Variants in IL1RAPL2 observed in about 807,000 individuals in gnomAD.
The protein encoded by IL1RAPL2 is interleukin 1 receptor accessory protein like 2, also known as X-linked interleukin-1 receptor accessory protein-like 2.
IL1RAPL2 carries 3 observed loss-of-function variants against 44.1 expected under a neutral mutation model. That is an observed-to-expected ratio of 0.07 (90% confidence interval 0.03 to 0.18). The LOEUF is 0.18. Among genes scored for constraint, IL1RAPL2 ranks in the 10% least tolerant of loss-of-function variants. The pLI, the probability that IL1RAPL2 is intolerant of heterozygous loss-of-function variation, is 1.00. For synonymous variants in IL1RAPL2, 181 were observed against 178.8 expected (o/e 1.01, Z -0.10); for missense variants, 391 against 496.4 (o/e 0.79, Z 2.02).
At chrX:104,580,922 TGTGCCTTTAG>T (rs982790504) in intron 1 of IL1RAPL2, among the ~76,000 whole-genome samples, 2 of 112,406 alleles carry the variant, frequency 1.8e-5, no homozygotes, top group Non-Finnish European at 3.8e-5. Flanking sequence ...AGTTGAACTA[TGTGCCTTTAG>T]GTGCCTTTGA....
intron 2 of IL1RAPL2, among the ~76,000 whole-genome samples, chrX:105,020,672 T>C (rs943770225): frequency 4.5e-5 from 5 of 111,840 alleles, no homozygotes; most frequent in African/African-American, 1.6e-4. Context: ...GCACAGTGTC[T>C]GGCACCTAGG....
intron 2 of IL1RAPL2, among the ~76,000 whole-genome samples, chrX:105,031,913 TG>T (rs1347375825): frequency 8.9e-6 from 1 of 111,884 alleles, no homozygotes; most frequent in Admixed American, 9.5e-5. Flanking sequence ...AGCCTGTTAT[TG>T]GTCTCTTCAG....
intron 2 of IL1RAPL2, among the ~76,000 whole-genome samples, chrX:105,009,370 C>G (rs1288233572): frequency 9.1e-6 from 1 of 109,748 alleles, no homozygotes; most frequent in Non-Finnish European, 1.9e-5. Context: ...CAATGATAGA[C>G]TGGATTAAGA....
At chrX:105,664,529 C>T (rs920641457) in intron 6 of IL1RAPL2, among the ~76,000 whole-genome samples, 7 of 111,739 alleles carry the variant, frequency 6.3e-5, no homozygotes, top group East Asian at 5.7e-4. Context: ...TTGCTTCCAT[C>T]GATGCTGAAG....
rs192149884 is a variant in IL1RAPL2 at position 104,916,983 on chromosome X, G to A, written c.82+257988G>A. ...GGATTCGGTTTGCCAGTATTTTATT[G>A]AGGATTTTTGCATTGATGTTCATCA... is the stretch of plus-strand genomic sequence containing the variant. On this transcript the variant is annotated intron_variant, in intron 2 of 10. Coordinates refer to ENST00000372582, the MANE Select transcript of IL1RAPL2 (RefSeq NM_017416.2). Among the ~76,000 whole-genome samples the A allele has an allele frequency of 2.7e-5, 3 of 111,752 alleles. No homozygotes were observed. The East Asian group carries it at 8.4e-4, about 31-fold the overall frequency.
chrX:105,036,786 C>A (rs937358088), intron 2 of IL1RAPL2, among the ~76,000 whole-genome samples: 23 of 111,433 alleles, frequency 2.1e-4, no homozygotes, highest in African/African-American at 6.8e-4. Context: ...CAGTGATGCA[C>A]AAAAATTAGC....
rs773629644 is a variant in IL1RAPL2 at position 105,093,907 on chromosome X, A to C, written c.83-101568A>C. Among the ~76,000 whole-genome samples, 11 of 111,337 alleles carry C rather than the reference A, an allele frequency of 9.9e-5. No individual in the cohort carries two copies. The South Asian group carries it at 4.2e-3, about 42-fold the overall frequency. ...CTAATACTAAAACACATCTCCTAGG[A>C]CCCTTAAAAGAGATTAAATAAGGTA... On this transcript the variant is annotated intron_variant, in intron 2 of 10. Transcript: ENST00000372582.
intron 1 of IL1RAPL2, among the ~76,000 whole-genome samples, chrX:104,585,265 A>AT (rs1491551706): frequency 8.6e-4 from 21 of 24,493 alleles, no homozygotes; most frequent in Middle Eastern, 0.022. Flanking sequence ...ATATATATAT[A>AT]ATATATTATA....
intron 3 of IL1RAPL2, among the ~76,000 whole-genome samples, chrX:105,232,970 G>A (rs1183834416): frequency 8.9e-6 from 1 of 111,870 alleles, no homozygotes; most frequent in Non-Finnish European, 1.9e-5. Flanking sequence ...TCAACACCTG[G>A]CACATCTTAG....
chrX:105,007,535 A>C (rs1174340670), intron 2 of IL1RAPL2, among the ~76,000 whole-genome samples: 2 of 111,565 alleles, frequency 1.8e-5, no homozygotes, highest in Admixed American at 1.9e-4. Flanking sequence ...AGTGATATAA[A>C]TAGGATTTAG....
intron 2 of IL1RAPL2, among the ~76,000 whole-genome samples, chrX:104,878,689 T>C (rs1335515176): frequency 8.9e-6 from 1 of 112,069 alleles, no homozygotes; most frequent in African/African-American, 3.2e-5. Flanking sequence ...TCTTTCCTAC[T>C]GAATTGCTGA....
At chrX:105,341,335 TTTC>T (rs1313720685) in intron 5 of IL1RAPL2, among the ~76,000 whole-genome samples, 2 of 101,901 alleles carry the variant, frequency 2.0e-5, no homozygotes, top group African/African-American at 4.6e-5. Context: ...TGTATTTTCT[TTTC>T]TTTTCTTTTT....
At chrX:105,731,708 G>T (rs1019107743) in intron 7 of IL1RAPL2, among the ~76,000 whole-genome samples, 1 of 111,073 alleles carries the variant, frequency 9.0e-6, no homozygotes, top group East Asian at 2.9e-4. Context: ...AATAAGCCCT[G>T]TACTCACTTA....
chrX:105,677,057 TTTTG>T (rs1195702362), intron 6 of IL1RAPL2, among the ~76,000 whole-genome samples: 5 of 112,175 alleles, frequency 4.5e-5, no homozygotes, highest in Admixed American at 2.8e-4. Context: ...TTATTCTTGT[TTTTG>T]TTTATTAAAA....
intron 1 of IL1RAPL2, among the ~76,000 whole-genome samples, chrX:104,637,466 T>A (rs764042672): frequency 1.8e-5 from 2 of 111,234 alleles, no homozygotes; most frequent in Non-Finnish European, 3.8e-5. Flanking sequence ...ATATATAGCC[T>A]TTATTATGTT....
intron 6 of IL1RAPL2, among the ~76,000 whole-genome samples, chrX:105,536,330 G>C (rs1261455334): frequency 9.3e-6 from 1 of 107,570 alleles, no homozygotes; most frequent in Non-Finnish European, 1.9e-5. Flanking sequence ...CAAAATTAAG[G>C]TAAGAAATAA....
At chrX:105,735,227 G>T (rs1269732049) in intron 7 of IL1RAPL2, among the ~76,000 whole-genome samples, 1 of 111,062 alleles carries the variant, frequency 9.0e-6, no homozygotes, top group Non-Finnish European at 1.9e-5. Context: ...ACTTTCTATT[G>T]TATCAGTGTT....
chrX:105,100,120 ATTG>A (rs2032653631), intron 2 of IL1RAPL2, among the ~76,000 whole-genome samples: 2 of 111,832 alleles, frequency 1.8e-5, no homozygotes, highest in Non-Finnish European at 1.9e-5. Context: ...ATTATTAGTT[ATTG>A]TTGTTAATCT....
Position 105,305,260 on chromosome X carries a change from A to G in IL1RAPL2, c.697+37719A>G, listed in dbSNP as rs1391823676. Among the ~76,000 whole-genome samples the G allele has an allele frequency of 2.7e-5, 3 of 111,053 alleles. No individual in the cohort carries two copies. The East Asian group carries it at 8.5e-4, about 31-fold the overall frequency. ...AATAAGTTCTAGAGATCTGCAGTACAACACAGTACTCATAGTTAACAGTAC... is the reference window on the plus strand; with the variant it reads ...AATAAGTTCTAGAGATCTGCAGTACGACACAGTACTCATAGTTAACAGTAC... On this transcript the variant is annotated intron_variant, in intron 5 of 10. Transcript: ENST00000372582.
Sources: gnomAD v4.1 joint callset for allele counts (sites outside exome capture counted in the v4.1 genomes callset) on GRCh38, gnomAD v4.1.1 for gene constraint, MANE v1.5 for transcripts, NCBI Gene and HGNC (gene_info 2026-07-23, HGNC 2026-07-21) for gene names.